The following GALNT16 variants were observed in gnomAD, a reference collection of about 807,000 sequenced individuals.
GALNT16 encodes UDP-GalNAc:polypeptide N-acetylgalactosaminyltransferase-like protein 1.
In GALNT16, 40 loss-of-function variants were observed where a neutral mutation model predicts 76.1. The ratio of observed to expected loss-of-function variants is 0.53; its 90% CI spans 0.41 to 0.68. The LOEUF is 0.68. Among genes scored for constraint, GALNT16 ranks in the 30% least tolerant of loss-of-function variants. The pLI is 0.00. For missense variants in GALNT16, 621 were observed against 731.9 expected (o/e 0.85, Z 1.75); for synonymous variants, 276 against 285.2 (o/e 0.97, Z 0.32).
intron 1 of GALNT16, among the ~76,000 whole-genome samples, chr14:69,264,815 C>CTTTTTTTTTTTTTTTTTTTT (rs1436985515): frequency 4.4e-5 from 2 of 44,958 alleles, no homozygotes; most frequent in South Asian, 1.2e-3. Flanking sequence ...TTTTCTTTTT[C>CTTTTTTTTTTTTTTTTTTTT]TTTCTTTTTT....
chr14:69,281,201 C>T (rs1024778581), intron 1 of GALNT16, among the ~76,000 whole-genome samples: 1 of 152,178 alleles, frequency 6.6e-6, no homozygotes, highest in African/African-American at 2.4e-5. Context: ...ACCTACAGGG[C>T]CTACTGTGTG....
At chr14:69,267,908 G>A (rs997223530) in intron 1 of GALNT16, among the ~76,000 whole-genome samples, 1 of 152,168 alleles carries the variant, frequency 6.6e-6, no homozygotes, top group African/African-American at 2.4e-5. Flanking sequence ...CTTCAGCCAG[G>A]GCTTAAGTCC....
chr14:69,315,781 A>G (rs1215765553), intron 1 of GALNT16, among the ~76,000 whole-genome samples: 3 of 152,106 alleles, frequency 2.0e-5, no homozygotes, highest in African/African-American at 7.2e-5. Context: ...TGGTCACTAG[A>G]GAAGAACACC....
Position 69,343,309 on chromosome 14 carries a change from C to T in GALNT16, c.1271+1545C>T, listed in dbSNP as rs1488384343. On this transcript the variant is annotated intron_variant, in intron 12 of 14. Coordinates refer to ENST00000448469, the MANE Select transcript of GALNT16 (RefSeq NM_001168368.2). The stretch of plus-strand genomic sequence containing the variant: ...GAGGACAGGTTTGATTTTTGGCCAA[C>T]AGCCACCATTAAGTTGTAGCCAAGT... 7.2e-5 allele frequency among the ~76,000 whole-genome samples: 11 copies of T among 152,324 alleles called. No individual in the cohort carries two copies. The East Asian group carries it at 2.1e-3, about 29-fold the overall frequency.
the GALNT16 span, among the ~76,000 whole-genome samples, chr14:69,373,822 C>CTGGAG: frequency 1.3e-5 from 2 of 152,132 alleles, no homozygotes; most frequent in East Asian, 3.9e-4. Flanking sequence ...GTTGCCCAGG[C>CTGGAG]TGGAGTGCAG....
intron 1 of GALNT16, among the ~76,000 whole-genome samples, chr14:69,316,796 T>G: frequency 6.8e-6 from 1 of 147,766 alleles, no homozygotes; most frequent in African/African-American, 2.6e-5. Flanking sequence ...GCACTGAAGG[T>G]CACGTGATGT....
chr14:69,325,879 T>C, intron 4 of GALNT16, 83 bp from the exon 5 acceptor site: 1 of 1,061,610 alleles, frequency 9.4e-7, no homozygotes. Context: ...GGGCTTAGTA[T>C]GGGGCAATTT....
At chr14:69,379,003 G>A in the GALNT16 span, among the ~76,000 whole-genome samples, 49 of 151,778 alleles carry the variant, frequency 3.2e-4, no homozygotes, top group African/African-American at 9.9e-4. Context: ...GTGCAATCTC[G>A]GCTCACTCAC....
At chr14:69,282,650 C>CTATTTATTTATTTATT (rs34689381) in intron 1 of GALNT16, among the ~76,000 whole-genome samples, 1,771 of 147,326 alleles carry the variant, frequency 0.012, 23 homozygotes, top group Non-Finnish European at 0.018. Flanking sequence ...AGAATTTGTC[C>CTATTTATTTATTTATT]TATTTATTTA....
the GALNT16 span, among the ~76,000 whole-genome samples, chr14:69,365,895 C>T: frequency 4.6e-5 from 7 of 152,152 alleles, no homozygotes; most frequent in Admixed American, 3.3e-4. Flanking sequence ...AGACAACATA[C>T]GTAAGGTCCC....
Position 69,324,756 on chromosome 14 carries a change from G to A in GALNT16, c.400G>A (p.Glu134Lys). ...ATSVIITFHN[E>K]ARSTLLRTVK... ...CAGCGTCATCATCACCTTCCACAATGAGGCCCGTTCCACCCTGCTGCGCAC... is the reference window on the plus strand; with the variant it reads ...CAGCGTCATCATCACCTTCCACAATAAGGCCCGTTCCACCCTGCTGCGCAC... The change falls in exon 3 of 15, where the codon GAG becomes AAG. Residue 134 changes from glutamate (E) to lysine (K), a missense_variant. Physicochemically the swap from Glu to Lys is moderately conservative, Grantham distance 56. Transcript: ENST00000448469. 6.2e-7 allele frequency: 1 copy of A among 1,613,052 alleles called. No homozygotes were observed. The highest frequency in any genetic ancestry group is 8.5e-7 in the Non-Finnish European group (1 of 1,179,304).
intron 12 of GALNT16, among the ~76,000 whole-genome samples, chr14:69,344,676 T>C (rs2045538431): frequency 6.6e-6 from 1 of 152,206 alleles, no homozygotes; most frequent in African/African-American, 2.4e-5. Context: ...TAAGCATCAC[T>C]GGGCATTGCC....
chr14:69,316,023 A>T (rs1457550380), intron 1 of GALNT16, among the ~76,000 whole-genome samples: 1 of 152,160 alleles, frequency 6.6e-6, no homozygotes, highest in Non-Finnish European at 1.5e-5. Flanking sequence ...AAATCAAATG[A>T]CCATTCCTGA....
intron 1 of GALNT16, among the ~76,000 whole-genome samples, chr14:69,295,636 C>T (rs538032461): frequency 2.1e-4 from 32 of 152,226 alleles, no homozygotes; most frequent in Non-Finnish European, 3.8e-4. Context: ...AGAAGAATTG[C>T]TTGAACCCAG....
In GALNT16 at chr14:69,261,321, G is replaced by A. The variant is rs1469497759; in HGVS notation, c.177+854G>A. On this transcript the variant is annotated intron_variant, in intron 1 of 14. Coordinates refer to ENST00000448469, the MANE Select transcript of GALNT16 (RefSeq NM_001168368.2). The surrounding 1 kb of genome is among the most constrained non-coding windows in gnomAD (Gnocchi z 6.4). ...GGCGATCCTGTCGCCGTCTCCGTCC[G>A]AGCCCCAGGTGACAGAGCTGTGCGT... Among the ~76,000 whole-genome samples the A allele has an allele frequency of 1.3e-5, 2 of 152,162 alleles. No homozygotes were observed. Among genetic ancestry groups the A allele is most frequent in the Admixed American group, 6.5e-5 (1 of 15,292 alleles).
At chr14:69,274,368 ATTAT>A (rs773893036) in intron 1 of GALNT16, among the ~76,000 whole-genome samples, 1 of 152,218 alleles carries the variant, frequency 6.6e-6, no homozygotes, top group Non-Finnish European at 1.5e-5. Context: ...TAAAACAATA[ATTAT>A]TTATTCTCTC....
At chr14:69,342,219 A>C (rs2045496972) in intron 12 of GALNT16, among the ~76,000 whole-genome samples, 2 of 151,942 alleles carry the variant, frequency 1.3e-5, no homozygotes, top group Non-Finnish European at 1.5e-5. Context: ...AGGCCAAGGC[A>C]GGAGGATTGC....
chr14:69,313,122 C>T (rs74059949), intron 1 of GALNT16, among the ~76,000 whole-genome samples: 1 of 152,170 alleles, frequency 6.6e-6, no homozygotes, highest in Non-Finnish European at 1.5e-5. Flanking sequence ...GCACAGTAGA[C>T]CCTCAATGAG....
chr14:69,269,672 AGTG>A (rs2044382601), intron 1 of GALNT16, among the ~76,000 whole-genome samples: 1 of 102,030 alleles, frequency 9.8e-6, no homozygotes, highest in Non-Finnish European at 2.1e-5. Context: ...GTGTGTGTGT[AGTG>A]TGTGTGTGAT....
Sources: allele counts gnomAD v4.1 joint callset (sites outside exome capture counted in the v4.1 genomes callset), GRCh38; gene constraint gnomAD v4.1.1; non-coding constraint Gnocchi (gnomAD v3.1); transcripts MANE v1.5; gene names NCBI Gene and HGNC (gene_info 2026-07-23, HGNC 2026-07-21).